The following CATSPERT variants were observed in gnomAD, a reference collection of about 807,000 sequenced individuals.
CATSPERT encodes the protein cation channel sperm-associated targeting subunit tau.
chr2:201,546,065 C>G, the CATSPERT span, among the ~76,000 whole-genome samples: 299 of 152,154 alleles, frequency 2.0e-3, 2 homozygotes, highest in African/African-American at 6.9e-3. Context: ...GTAAAGTGAT[C>G]AGTGGGCACT....
At chr2:201,613,120 G>T in the CATSPERT span, among the ~76,000 whole-genome samples, 2 of 152,156 alleles carry the variant, frequency 1.3e-5, no homozygotes, top group Non-Finnish European at 2.9e-5. Flanking sequence ...CTCCACCTCT[G>T]GGGGGCAGGG....
the CATSPERT span, among the ~76,000 whole-genome samples, chr2:201,540,075 T>C: frequency 6.6e-6 from 1 of 152,270 alleles, no homozygotes; most frequent in Admixed American, 6.5e-5. Flanking sequence ...AGCCAAAGCC[T>C]AATCCAGAGA....
the CATSPERT span, chr2:201,581,948 A>G: frequency 5.1e-6 from 5 of 971,042 alleles, no homozygotes; most frequent in Non-Finnish European, 7.3e-6. Flanking sequence ...AAAAATATAT[A>G]GCCAAAAGGA....
chr2:201,573,760 G>C, the CATSPERT span, among the ~76,000 whole-genome samples: 11 of 152,134 alleles, frequency 7.2e-5, no homozygotes, highest in African/African-American at 2.4e-4. Flanking sequence ...AGGTTCAAGC[G>C]ATTCTCCTGC....
chr2:201,601,330 A>G, the CATSPERT span, among the ~76,000 whole-genome samples: 1 of 147,418 alleles, frequency 6.8e-6, no homozygotes, highest in South Asian at 2.1e-4. Context: ...TGTAATAAAG[A>G]CTGACTAAGT....
chr2:201,493,390 G>C, the CATSPERT span: 1 of 1,536,824 alleles, frequency 6.5e-7, no homozygotes, highest in Non-Finnish European at 8.7e-7. Context: ...AAGAGGTTCT[G>C]TCTCGCTTCT....
At chr2:201,516,613 T>G in the CATSPERT span, among the ~76,000 whole-genome samples, 1 of 152,152 alleles carries the variant, frequency 6.6e-6, no homozygotes, top group African/African-American at 2.4e-5. Flanking sequence ...TGTGGTCTGT[T>G]GACCAAAATG....
chr2:201,566,964 T>C, the CATSPERT span, among the ~76,000 whole-genome samples: 8,204 of 152,260 alleles, frequency 0.054, 266 homozygotes, highest in African/African-American at 0.077. Context: ...AAGCTAGTGT[T>C]AGAAAGATTA....
At chr2:201,567,910 C>G in the CATSPERT span, among the ~76,000 whole-genome samples, 1 of 152,200 alleles carries the variant, frequency 6.6e-6, no homozygotes, top group African/African-American at 2.4e-5. Context: ...CAGCCTGGAC[C>G]TGTTGCAGAG....
At chr2:201,525,454 A>G in the CATSPERT span, among the ~76,000 whole-genome samples, 5 of 152,160 alleles carry the variant, frequency 3.3e-5, no homozygotes. Flanking sequence ...GACCCAGCAA[A>G]AGCATTAAGA....
chr2:201,602,212 G>A, the CATSPERT span, among the ~76,000 whole-genome samples: 2 of 152,074 alleles, frequency 1.3e-5, no homozygotes, highest in African/African-American at 2.4e-5. Context: ...GGAAAATTAT[G>A]TAGAAATTCA....
chr2:201,510,111 T>C, the CATSPERT span, among the ~76,000 whole-genome samples: 1 of 150,644 alleles, frequency 6.6e-6, no homozygotes, highest in Non-Finnish European at 1.5e-5. Context: ...TTTACAGGCA[T>C]TCTCTCTTCA....
At chr2:201,608,353 C>T in the CATSPERT span, among the ~76,000 whole-genome samples, 1 of 152,074 alleles carries the variant, frequency 6.6e-6, no homozygotes, top group South Asian at 2.1e-4. Flanking sequence ...AACTCAGTCA[C>T]CATGATAATA....
the CATSPERT span, among the ~76,000 whole-genome samples, chr2:201,563,777 A>C: frequency 2.0e-5 from 3 of 152,196 alleles, no homozygotes; most frequent in Non-Finnish European, 4.4e-5. Flanking sequence ...CAATCATCTC[A>C]CTGCACAACT....
the CATSPERT span, among the ~76,000 whole-genome samples, chr2:201,590,391 G>T: frequency 6.6e-6 from 1 of 152,092 alleles, no homozygotes; most frequent in South Asian, 2.1e-4. Context: ...ATCATTGTTC[G>T]ACATTTGGGT....
At chr2:201,607,925 T>C in the CATSPERT span, among the ~76,000 whole-genome samples, 5 of 152,298 alleles carry the variant, frequency 3.3e-5, no homozygotes, top group African/African-American at 1.2e-4. Flanking sequence ...ACCTTAATTT[T>C]GGACTTCCAA....
At chr2:201,565,929 T>C in the CATSPERT span, 2 of 1,460,662 alleles carry the variant, frequency 1.4e-6, no homozygotes, top group African/African-American at 1.4e-5. Flanking sequence ...ACTTCCAAAA[T>C]CAGTGGCAGC....
the CATSPERT span, among the ~76,000 whole-genome samples, chr2:201,559,746 A>G: frequency 6.6e-6 from 1 of 152,230 alleles, no homozygotes; most frequent in East Asian, 1.9e-4. Context: ...TGCCCCGCCA[A>G]TCTGATATCC....
At chr2:201,527,582 T>C in the CATSPERT span, among the ~76,000 whole-genome samples, 2 of 152,066 alleles carry the variant, frequency 1.3e-5, no homozygotes, top group Non-Finnish European at 2.9e-5. Context: ...TGGAACAGAA[T>C]GGTGAACCCA....
Sources: gnomAD v4.1 joint callset for allele counts (sites outside exome capture counted in the v4.1 genomes callset) on GRCh38, gnomAD v4.1.1 for gene constraint, MANE v1.5 for transcripts, NCBI Gene and HGNC (gene_info 2026-07-23, HGNC 2026-07-21) for gene names.